The following SCN9A variants were observed in gnomAD, a reference collection of about 807,000 sequenced individuals.
The protein encoded by SCN9A is sodium voltage-gated channel alpha subunit 9, also known as sodium channel protein type 9 subunit alpha.
SCN9A carries 131 observed loss-of-function variants against 187.0 expected under a neutral mutation model. The ratio of observed to expected loss-of-function variants is 0.70; its 90% CI spans 0.61 to 0.81. SCN9A has a LOEUF of 0.81. SCN9A is among the 30% of genes least tolerant of loss of function. The pLI, the probability that SCN9A is intolerant of heterozygous loss-of-function variation, is 0.00. For synonymous variants in SCN9A, 809 were observed against 808.6 expected (o/e 1.00, Z -0.01); for missense variants, 2,252 against 2,396.6 (o/e 0.94, Z 1.26).
chr2:166,324,118 A>C (rs1699307553), intron 1 of SCN9A, among the ~76,000 whole-genome samples: 1 of 151,696 alleles, frequency 6.6e-6, no homozygotes, highest in Non-Finnish European at 1.5e-5. Flanking sequence ...TAAATAACTT[A>C]ATCTTATTTC....
At chr2:166,364,640 G>A (rs1453684391) in intron 1 of SCN9A, among the ~76,000 whole-genome samples, 1 of 152,148 alleles carries the variant, frequency 6.6e-6, no homozygotes, top group Non-Finnish European at 1.5e-5. Context: ...CACATTCATA[G>A]AGAAAGTAGA....
intron 18 of SCN9A, among the ~76,000 whole-genome samples, chr2:166,245,349 G>T (rs867505630): frequency 7.9e-5 from 12 of 151,680 alleles, no homozygotes; most frequent in African/African-American, 2.7e-4. Context: ...TATTTTCCTT[G>T]GAGAACCAGT....
intron 24 of SCN9A, among the ~76,000 whole-genome samples, chr2:166,221,193 C>T (rs893425722): frequency 3.3e-5 from 5 of 152,172 alleles, no homozygotes; most frequent in Admixed American, 6.5e-5. Context: ...CCAGTATTCA[C>T]GAATTAAATG....
intron 13 of SCN9A, 33 bp from the exon 14 acceptor site, chr2:166,280,628 C>G: frequency 1.5e-6 from 2 of 1,298,154 alleles, no homozygotes; most frequent in Non-Finnish European, 2.2e-6. Flanking sequence ...ATGGAGTCAG[C>G]CATTTGTCTG....
chr2:166,230,427 G>C (rs911006037), intron 21 of SCN9A, among the ~76,000 whole-genome samples: 1 of 152,146 alleles, frequency 6.6e-6, no homozygotes, highest in African/African-American at 2.4e-5. Flanking sequence ...TCTTAATAGA[G>C]CCTACCTTTT....
intron 24 of SCN9A, among the ~76,000 whole-genome samples, chr2:166,208,704 G>A (rs969502128): frequency 1.3e-5 from 2 of 152,134 alleles, no homozygotes; most frequent in Middle Eastern, 3.2e-3. Context: ...TAGTAAAATA[G>A]GGTTGGTTAT....
At chr2:166,326,564 A>T (rs1699368388) in intron 1 of SCN9A, among the ~76,000 whole-genome samples, 1 of 152,208 alleles carries the variant, frequency 6.6e-6, no homozygotes, top group South Asian at 2.1e-4. Context: ...CAACACAGAA[A>T]ATACCAAGAC....
At chr2:166,287,532 G>A (rs994960667) in intron 10 of SCN9A, among the ~76,000 whole-genome samples, 3 of 151,740 alleles carry the variant, frequency 2.0e-5, no homozygotes, top group African/African-American at 7.3e-5. Context: ...CTGAATATTT[G>A]TGCATCAGAA....
At position 166,252,041 on chromosome 2, in the gene SCN9A, C is replaced by A. The variant is rs1696066860; in HGVS notation, c.3352-156G>T. 14 of 708,840 alleles carry A rather than the reference C, an allele frequency of 2.0e-5. 1 individual carries two copies. The South Asian group carries it at 2.5e-4, about 13-fold the overall frequency. 43.9% of individuals were successfully genotyped at this position (708,840 alleles called of 1,614,324 possible). Reference sequence around the variant, plus strand: ...AAAATGTATAAACACATATTGAGGTCAAGTAACCTTAAATGTATCTATACT... The same window carrying A: ...AAAATGTATAAACACATATTGAGGTAAAGTAACCTTAAATGTATCTATACT... On this transcript the variant is annotated intron_variant, in intron 17 of 26. Coordinates refer to ENST00000642356, the MANE Select transcript of SCN9A (RefSeq NM_001365536.1).
At chr2:166,220,383 C>G (rs1452578333) in intron 24 of SCN9A, among the ~76,000 whole-genome samples, 1 of 152,132 alleles carries the variant, frequency 6.6e-6, no homozygotes, top group Non-Finnish European at 1.5e-5. Flanking sequence ...GAATTTTACC[C>G]TTTTAAATGC....
chr2:166,301,874 ATGG>A (rs1323890582), intron 7 of SCN9A: 1 of 151,080 alleles, frequency 6.6e-6, no homozygotes, highest in Non-Finnish European at 1.5e-5. Context: ...TCCTCATCAA[ATGG>A]TGGTAGTAAA....
At chr2:166,340,540 CCCTTTCTTTCTTTCTTTCTTTCTTTCTT>C (rs1250669575) in intron 1 of SCN9A, among the ~76,000 whole-genome samples, 13 of 111,262 alleles carry the variant, frequency 1.2e-4, no homozygotes, top group South Asian at 3.3e-4. Flanking sequence ...TCTTTTCTTT[CCCTTTCTTTCTTTCTTTCTTTCTTTCTT>C]TCTTTCTTTC....
rs1559034298 is a variant in SCN9A at position 166,311,329 on chromosome 2, C to CATATATATATATATAT, written c.258+169_258+170insATATATATATATATAT. 5.4e-4 allele frequency among the ~76,000 whole-genome samples: 26 copies of CATATATATATATATAT among 47,906 alleles called. 6 individuals are homozygous for CATATATATATATATAT. Among genetic ancestry groups the CATATATATATATATAT allele is most frequent in the South Asian group, 9.0e-4 (1 of 1,108 alleles). 31.4% of individuals were successfully genotyped at this position (47,906 alleles called of 152,430 possible). On this transcript the variant is annotated intron_variant, in intron 2 of 26. Transcript: ENST00000642356. ...TTGAAAAAGTACAGATTCTGAATAT[C>CATATATATATATATAT]CTATATATATATATATATATATATA...
intron 19 of SCN9A, among the ~76,000 whole-genome samples, chr2:166,240,725 A>G (rs1695528006): frequency 6.6e-6 from 1 of 152,188 alleles, no homozygotes; most frequent in African/African-American, 2.4e-5. Context: ...GGAAAGCCAC[A>G]GTGGGTCCCT....
At chr2:166,296,490 AGAGT>A (rs559649183) in intron 7 of SCN9A, among the ~76,000 whole-genome samples, 75 of 152,338 alleles carry the variant, frequency 4.9e-4, no homozygotes, top group Admixed American at 1.4e-3. Context: ...TGGGCCTGGT[AGAGT>A]GAGTATGGGA....
chr2:166,321,559 A>C (rs1189366667), intron 1 of SCN9A: 1 of 151,996 alleles, frequency 6.6e-6, no homozygotes, highest in African/African-American at 2.4e-5. Flanking sequence ...CAATAGAAAC[A>C]ACACATATTT....
At chr2:166,243,424 G>T (rs1195745180) in intron 18 of SCN9A, among the ~76,000 whole-genome samples, 1 of 151,918 alleles carries the variant, frequency 6.6e-6, no homozygotes, top group Non-Finnish European at 1.5e-5. Flanking sequence ...ACTATAACTA[G>T]ATATGGCAAC....
At chr2:166,224,292 T>C (rs1248771040) in intron 24 of SCN9A, among the ~76,000 whole-genome samples, 1 of 152,114 alleles carries the variant, frequency 6.6e-6, no homozygotes, top group African/African-American at 2.4e-5. Flanking sequence ...ACTTTATAAA[T>C]GTAAAATGGA....
At chr2:166,360,526 C>T (rs1700258352) in intron 1 of SCN9A, among the ~76,000 whole-genome samples, 1 of 152,050 alleles carries the variant, frequency 6.6e-6, no homozygotes, top group Non-Finnish European at 1.5e-5. Flanking sequence ...AAATGTATTT[C>T]CAATATTATT....
Sources: allele counts gnomAD v4.1 joint callset (sites outside exome capture counted in the v4.1 genomes callset), GRCh38; gene constraint gnomAD v4.1.1; transcripts MANE v1.5; gene names NCBI Gene and HGNC (gene_info 2026-07-23, HGNC 2026-07-21).